FUT9: variants seen among roughly 807,000 people sequenced by gnomAD.
FUT9 encodes fucosyltransferase 9.
In FUT9, 15 loss-of-function variants were observed where a neutral mutation model predicts 29.7. The observed-to-expected ratio is 0.51, with a 90% CI of 0.34 to 0.78. The LOEUF (loss-of-function observed/expected upper bound fraction) is 0.78, where lower values mean the gene tolerates loss of function less well. FUT9 is among the 30% of genes least tolerant of loss of function. The pLI, the probability that FUT9 is intolerant of heterozygous loss-of-function variation, is 0.01. For missense variants in FUT9, 319 were observed against 425.4 expected, an observed-to-expected ratio of 0.75 and a Z score of 2.20; for synonymous variants, 169 against 153.7, an observed-to-expected ratio of 1.10 and a Z score of -0.74.
intron 1 of FUT9, among the ~76,000 whole-genome samples, chr6:96,077,046 C>T (rs577264121): frequency 6.6e-5 from 10 of 152,212 alleles, no homozygotes; most frequent in African/African-American, 2.4e-4. Flanking sequence ...TCCATTCCCT[C>T]CCCAGCCCTT....
At chr6:96,064,088 C>T (rs566184314) in intron 1 of FUT9, among the ~76,000 whole-genome samples, 51 of 152,198 alleles carry the variant, frequency 3.4e-4, no homozygotes, top group African/African-American at 1.2e-3. Context: ...TAAGGAAATC[C>T]AGAACTACTC....
intron 1 of FUT9, among the ~76,000 whole-genome samples, chr6:96,017,779 A>G (rs1034496316): frequency 2.0e-5 from 3 of 152,306 alleles, no homozygotes; most frequent in East Asian, 1.9e-4. Flanking sequence ...TGAGGGGAAT[A>G]TAAATTAAAG....
At chr6:96,200,226 C>A (rs150738107) in intron 2 of FUT9, among the ~76,000 whole-genome samples, 3 of 152,126 alleles carry the variant, frequency 2.0e-5, no homozygotes, top group African/African-American at 4.8e-5. Context: ...GTGTCAGATA[C>A]CCTTGTTAAA....
intron 2 of FUT9, among the ~76,000 whole-genome samples, chr6:96,144,399 T>C (rs1007150612): frequency 6.6e-6 from 1 of 152,198 alleles, no homozygotes; most frequent in Non-Finnish European, 1.5e-5. Context: ...TTGAAACAAC[T>C]GGAAAAACAG....
rs1201729276 is a variant in FUT9, at chr6:96,078,405, C to CTGATTTTT, written c.-97-35633_-97-35632insGATTTTTT. Among the ~76,000 whole-genome samples, 75 of 45,206 alleles carry CTGATTTTT rather than the reference C, an allele frequency of 1.7e-3. 1 individual carries two copies. Among genetic ancestry groups the CTGATTTTT allele is most frequent in the East Asian group, 7.3e-3 (10 of 1,376 alleles). 29.7% of individuals were successfully genotyped at this position (45,206 alleles called of 152,430 possible). A position where few individuals can be genotyped will look rare whatever the true frequency, so the allele number is the denominator to read the frequency against. ...TTTGATCTCTTTCTTTCATATTAGT[C>CTGATTTTT]TTCTTTTTTTTTTTTTTTTTTTTTT... On this transcript the variant is annotated intron_variant, in intron 1 of 2. Transcript: ENST00000302103.
chr6:96,043,101 G>C (rs1027518616), intron 1 of FUT9, among the ~76,000 whole-genome samples: 1 of 152,144 alleles, frequency 6.6e-6, no homozygotes, highest in Non-Finnish European at 1.5e-5. Context: ...GCCCAGGCTG[G>C]AGTGCGGTGG....
intron 1 of FUT9, among the ~76,000 whole-genome samples, chr6:96,017,271 T>C (rs562653239): frequency 2.6e-5 from 4 of 152,360 alleles, no homozygotes; most frequent in East Asian, 3.9e-4. Flanking sequence ...TTAGAAAACA[T>C]TGTACCAAGA....
chr6:96,104,553 C>T lies in FUT9; in HGVS notation c.-97-9486C>T, dbSNP rs578186449. 3.9e-5 allele frequency among the ~76,000 whole-genome samples: 6 copies of T among 152,268 alleles called. No homozygotes were observed. In the East Asian group the frequency reaches 5.8e-4, roughly 15 times the overall value. ...TTTTGTTTTGTTTGTTTGTTTGAGA[C>T]GGAGTCTCGCCCTGTCGCCCAGGCT... On this transcript the variant is annotated intron_variant, in intron 1 of 2. Coordinates refer to ENST00000302103, the MANE Select transcript of FUT9 (RefSeq NM_006581.4).
At chr6:96,152,271 A>G (rs965898086) in intron 2 of FUT9, among the ~76,000 whole-genome samples, 1 of 152,200 alleles carries the variant, frequency 6.6e-6, no homozygotes. Flanking sequence ...CAGCCCAGAC[A>G]TAATCCCTGA....
intron 2 of FUT9, among the ~76,000 whole-genome samples, chr6:96,195,625 T>A (rs1347051169): frequency 2.0e-5 from 3 of 152,200 alleles, no homozygotes; most frequent in African/African-American, 7.2e-5. Context: ...CAGTGATGAA[T>A]ATATAAAGTT....
At chr6:96,183,186 A>AT (rs892408164) in intron 2 of FUT9, among the ~76,000 whole-genome samples, 24 of 151,366 alleles carry the variant, frequency 1.6e-4, no homozygotes, top group African/African-American at 3.4e-4. Flanking sequence ...TAAGTATTTC[A>AT]TTTTTTTTAT....
chr6:96,155,696 A>AAAAGAAAAG (rs1341202952), intron 2 of FUT9, among the ~76,000 whole-genome samples: 2 of 151,886 alleles, frequency 1.3e-5, no homozygotes, highest in Non-Finnish European at 2.9e-5. Flanking sequence ...GAAAGAAAGA[A>AAAAGAAAAG]AAAGAAAAGA....
intron 2 of FUT9, among the ~76,000 whole-genome samples, chr6:96,167,600 G>C (rs1240393023): frequency 6.6e-6 from 1 of 152,162 alleles, no homozygotes; most frequent in East Asian, 1.9e-4. Context: ...AAGGATTTCT[G>C]TCCTCTTGTA....
intron 1 of FUT9, among the ~76,000 whole-genome samples, chr6:96,061,435 A>G (rs1158954176): frequency 6.6e-6 from 1 of 150,898 alleles, no homozygotes; most frequent in East Asian, 2.0e-4. Flanking sequence ...TAGTTTTACA[A>G]ACGCTTTCAT....
intron 1 of FUT9, among the ~76,000 whole-genome samples, chr6:96,062,329 C>T (rs923809056): frequency 1.3e-5 from 2 of 151,408 alleles, no homozygotes; most frequent in Admixed American, 6.6e-5. Flanking sequence ...TGAACTAAAT[C>T]TTTACTCTCT....
intron 2 of FUT9, among the ~76,000 whole-genome samples, chr6:96,174,278 T>A (rs1307791783): frequency 2.6e-5 from 4 of 152,126 alleles, no homozygotes; most frequent in Non-Finnish European, 4.4e-5. Flanking sequence ...TATAGAGATG[T>A]TAAAGAAACT....
intron 1 of FUT9, among the ~76,000 whole-genome samples, chr6:96,086,432 A>G (rs1771318180): frequency 6.6e-6 from 1 of 152,118 alleles, no homozygotes; most frequent in African/African-American, 2.4e-5. Context: ...TTTGTCTTTT[A>G]CCAGAAATTC....
chr6:96,109,463 T>G (rs2127959993), intron 1 of FUT9, among the ~76,000 whole-genome samples: 1 of 152,322 alleles, frequency 6.6e-6, no homozygotes, highest in East Asian at 1.9e-4. Context: ...CTAAAGTATC[T>G]TGCATAAAGA....
At chr6:96,110,815 C>CTATTTATTTATTTATTTATT (rs1554193305) in intron 1 of FUT9, among the ~76,000 whole-genome samples, 5 of 145,046 alleles carry the variant, frequency 3.4e-5, no homozygotes, top group Admixed American at 7.0e-5. Flanking sequence ...ACAAATGTGC[C>CTATTTATTTATTTATTTATT]TATTTATTTA....
Sources: gnomAD v4.1 joint callset for allele counts (sites outside exome capture counted in the v4.1 genomes callset) on GRCh38, gnomAD v4.1.1 for gene constraint, MANE v1.5 for transcripts, NCBI Gene and HGNC (gene_info 2026-07-23, HGNC 2026-07-21) for gene names.